COLEC12: variants seen among roughly 807,000 people sequenced by gnomAD.
The protein encoded by COLEC12 is collectin-12.
COLEC12 carries 33 observed loss-of-function variants against 71.1 expected under a neutral mutation model. The observed-to-expected ratio is 0.46, with a 90% CI of 0.35 to 0.62. COLEC12 has a LOEUF of 0.62. COLEC12 is among the 20% of genes least tolerant of loss of function. COLEC12 has a pLI of 0.00. For synonymous variants in COLEC12, 350 were observed against 353.0 expected, an observed-to-expected ratio of 0.99 and a Z score of 0.10; for missense variants, 765 against 916.1, an observed-to-expected ratio of 0.84 and a Z score of 2.13.
chr18:333,287 C>T (rs553068043), intron 6 of COLEC12, 144 bp from the exon 7 acceptor site: 150 of 629,464 alleles, frequency 2.4e-4, no homozygotes, highest in Non-Finnish European at 3.5e-4. Flanking sequence ...CTGACGTTCA[C>T]GGACGTGCTC....
chr18:483,154 CTTTAGGA>C (rs969225823), intron 1 of COLEC12, among the ~76,000 whole-genome samples: 4 of 151,918 alleles, frequency 2.6e-5, no homozygotes, highest in African/African-American at 9.7e-5. Flanking sequence ...AATCCCAGCA[CTTTAGGA>C]GGTTGAGGCG....
intron 2 of COLEC12, among the ~76,000 whole-genome samples, chr18:368,847 C>A (rs868490881): frequency 9.2e-5 from 14 of 152,326 alleles, no homozygotes; most frequent in African/African-American, 2.4e-4. Context: ...GCCTGGGCAA[C>A]AGAGCGAGAC....
At position 393,804 on chromosome 18, in the gene COLEC12, T is replaced by G. The variant is rs992909690; in HGVS notation, c.59-36282A>C. Among the ~76,000 whole-genome samples, 50 of 152,360 alleles carry G rather than the reference T, an allele frequency of 3.3e-4. 1 individual carries two copies. The highest frequency in any genetic ancestry group is 1.2e-3 in the African/African-American group (49 of 41,584). ...CATAAATTCCTTTCAGGCAATGCCA[T>G]GTACGTTTATCTTTGTATCCTCAGT... On this transcript the variant is annotated intron_variant, in intron 2 of 9. Coordinates refer to ENST00000400256, the MANE Select transcript of COLEC12 (RefSeq NM_130386.3).
rs560839244 is a variant in COLEC12, at chr18:318,266, C to T, written c.*1779G>A. The T allele has an allele frequency of 5.4e-4, 83 of 152,334 alleles. No individual in the cohort carries two copies. Among genetic ancestry groups the T allele is most frequent in the African/African-American group, 1.9e-3 (80 of 41,550 alleles). 9.4% of individuals were successfully genotyped at this position (152,334 alleles called of 1,614,324 possible). ...AAGTGCTGGGATTACAGGCGTGAGC[C>T]ACCGCGCCCGGCTGTCTTTATTCTT... is the stretch of plus-strand genomic sequence containing the variant. On this transcript the variant is annotated 3_prime_UTR_variant, in exon 10 of 10. Transcript: ENST00000400256.
chr18:435,978 T>G (rs927373430), intron 2 of COLEC12, among the ~76,000 whole-genome samples: 1 of 152,178 alleles, frequency 6.6e-6, no homozygotes, highest in East Asian at 1.9e-4. Context: ...TCATCTTCCA[T>G]GTGTATGAAA....
In COLEC12 at chr18:346,288, G is replaced by T. The variant is rs745420692; in HGVS notation, c.1327+7C>A. On this transcript the variant is annotated splice_region_variant and intron_variant, in intron 5 of 9. Transcript: ENST00000400256. The surrounding 1 kb of genome is among the most constrained non-coding windows in gnomAD (Gnocchi z 4.0). ...AATACAAATACAAATTCAGAATTTT[G>T]ACTTACCTTGTAGTATTGTAAAATT... 6.3e-7 allele frequency: 1 copy of T among 1,576,646 alleles called. No homozygotes were observed. The highest frequency in any genetic ancestry group is 1.2e-5 in the South Asian group (1 of 86,574).
intron 8 of COLEC12, 78 bp from the exon 9 acceptor site, chr18:321,885 TA>T: frequency 2.1e-6 from 3 of 1,400,542 alleles, no homozygotes; most frequent in Non-Finnish European, 2.9e-6. Context: ...GCAGAGAATA[TA>T]AAAAAACAAA....
At chr18:386,942 C>T (rs115592393) in intron 2 of COLEC12, among the ~76,000 whole-genome samples, 1,961 of 152,198 alleles carry the variant, frequency 0.013, 53 homozygotes, top group African/African-American at 0.045. Context: ...GGGTTCTCCA[C>T]GTAGTGAGGA....
At chr18:485,154 A>G (rs1158586723) in intron 1 of COLEC12, among the ~76,000 whole-genome samples, 8 of 152,214 alleles carry the variant, frequency 5.3e-5, no homozygotes, top group Non-Finnish European at 8.8e-5. Flanking sequence ...CTCACACCAT[A>G]TAGACCCAAG....
intron 2 of COLEC12, among the ~76,000 whole-genome samples, chr18:471,465 T>C (rs1325876870): frequency 6.6e-6 from 1 of 151,992 alleles, no homozygotes; most frequent in African/African-American, 2.4e-5. Flanking sequence ...GCTGATGTCT[T>C]GTTTTTGATG....
intron 1 of COLEC12, among the ~76,000 whole-genome samples, chr18:482,786 T>C (rs1030893366): frequency 1.3e-5 from 2 of 151,806 alleles, no homozygotes; most frequent in Non-Finnish European, 2.9e-5. Context: ...TAATTCTTTG[T>C]ATTTTTAGTA....
Position 500,611 on chromosome 18 carries a change from GTAGCC to G in COLEC12, c.-102_-98del. ...AGCGGCTGCTCACCGCACGCCCATG[GTAGCC>G]GCGCCGCGCGCCGGCCGTCTGCGCC... is the stretch of plus-strand genomic sequence containing the variant. On this transcript the variant is annotated 5_prime_UTR_variant, in exon 1 of 10. Transcript: ENST00000400256. The surrounding 1 kb of genome is among the most constrained non-coding windows in gnomAD (Gnocchi z 5.3). 9.6e-7 allele frequency: 1 copy of G among 1,044,820 alleles called. No homozygotes were observed. Among genetic ancestry groups the G allele is most frequent in the Non-Finnish European group, 1.2e-6 (1 of 831,124 alleles). 64.7% of individuals were successfully genotyped at this position (1,044,820 alleles called of 1,614,324 possible).
intron 2 of COLEC12, among the ~76,000 whole-genome samples, chr18:477,729 C>T (rs1357825787): frequency 1.3e-5 from 2 of 152,186 alleles, no homozygotes; most frequent in African/African-American, 4.8e-5. Flanking sequence ...TCACCAAAGC[C>T]CTGTGAGGTA....
intron 2 of COLEC12, among the ~76,000 whole-genome samples, chr18:381,853 T>C (rs1335981019): frequency 6.6e-6 from 1 of 152,116 alleles, no homozygotes; most frequent in Non-Finnish European, 1.5e-5. Context: ...ATATACATAG[T>C]TTCAAGTAAA....
chr18:492,440 T>C (rs1917634929), intron 1 of COLEC12, among the ~76,000 whole-genome samples: 1 of 152,174 alleles, frequency 6.6e-6, no homozygotes, highest in African/African-American at 2.4e-5. Flanking sequence ...CTGCAAGAAC[T>C]TAGAAGTAAT....
intron 2 of COLEC12, among the ~76,000 whole-genome samples, chr18:465,695 A>G (rs941280415): frequency 3.3e-5 from 5 of 152,218 alleles, no homozygotes; most frequent in African/African-American, 1.2e-4. Context: ...TATCTTAATT[A>G]ATTTTAAGCA....
At chr18:328,560 T>C (rs1913899053) in intron 8 of COLEC12, among the ~76,000 whole-genome samples, 1 of 152,210 alleles carries the variant, frequency 6.6e-6, no homozygotes, top group African/African-American at 2.4e-5. Context: ...ATAATAGCAA[T>C]AATATACCAA....
chr18:329,391 A>T (rs911833321), intron 8 of COLEC12, among the ~76,000 whole-genome samples: 2 of 151,770 alleles, frequency 1.3e-5, no homozygotes, highest in African/African-American at 4.8e-5. Context: ...CAACTCTCTT[A>T]AAAAAAAGAC....
intron 5 of COLEC12, among the ~76,000 whole-genome samples, chr18:339,139 T>TG: frequency 6.6e-6 from 1 of 152,244 alleles, no homozygotes; most frequent in Non-Finnish European, 1.5e-5. Context: ...AGACTGCTGG[T>TG]GGGGGGAGCT....
Sources: gnomAD v4.1 joint callset for allele counts (sites outside exome capture counted in the v4.1 genomes callset) on GRCh38, gnomAD v4.1.1 for gene constraint, Gnocchi (gnomAD v3.1) non-coding constraint, MANE v1.5 for transcripts, NCBI Gene and HGNC (gene_info 2026-07-23, HGNC 2026-07-21) for gene names.